The following ANXA9 variants were observed in gnomAD, a reference collection of about 807,000 sequenced individuals.
ANXA9 encodes the protein annexin A9.
A neutral mutation model predicts 51.8 loss-of-function variants in ANXA9; 47 were observed. The observed-to-expected ratio is 0.91, with a 90% CI of 0.72 to 1.16. ANXA9 has a LOEUF of 1.16. Ranked by LOEUF, ANXA9 falls within the 50% of genes most tolerant of loss-of-function variation. ANXA9 has a pLI of 0.00. For synonymous variants in ANXA9, 154 were observed against 168.7 expected (o/e 0.91, Z 0.68); for missense variants, 361 against 424.7 (o/e 0.85, Z 1.32).
Position 150,995,529 on chromosome 1 carries a change from C to T in ANXA9, c.*207C>T. On this transcript the variant is annotated 3_prime_UTR_variant, in exon 14 of 14. Coordinates refer to ENST00000368947, the MANE Select transcript of ANXA9 (RefSeq NM_003568.3). The stretch of plus-strand genomic sequence containing the variant: ...TATCTGTACCTGGGTCATCCAGCTC[C>T]TTCTTGGGTGTGGGGAAATGAGTTT... 1 of 488,294 alleles carries T rather than the reference C, an allele frequency of 2.0e-6. No homozygotes were observed. Among genetic ancestry groups the T allele is most frequent in the South Asian group, 3.3e-5 (1 of 30,028 alleles). 30.2% of individuals were successfully genotyped at this position (488,294 alleles called of 1,614,324 possible).
intron 7 of ANXA9, among the ~76,000 whole-genome samples, chr1:150,985,864 C>A (rs1045422498): frequency 6.6e-6 from 1 of 152,164 alleles, no homozygotes; most frequent in South Asian, 2.1e-4. Context: ...ACCGCCCTGG[C>A]CGTGGCCTAT....
intron 10 of ANXA9, 52 bp from the exon 11 acceptor site, chr1:150,988,039 A>G: frequency 6.2e-7 from 1 of 1,613,710 alleles, no homozygotes; most frequent in Non-Finnish European, 8.5e-7. Context: ...CATCCTTTCC[A>G]GAGATAATTA....
At chr1:150,979,441 G>C (rs1478535007), upstream of ANXA9, among the ~76,000 whole-genome samples, 2 of 152,162 alleles carry the variant, frequency 1.3e-5, no homozygotes, top group African/African-American at 4.8e-5. Flanking sequence ...CCTAACTGCG[G>C]TCACCCAGTC....
upstream of ANXA9, among the ~76,000 whole-genome samples, chr1:150,979,951 A>G (rs1335711964): frequency 6.6e-6 from 1 of 152,220 alleles, no homozygotes; most frequent in East Asian, 1.9e-4. Context: ...AGCACAGAAT[A>G]GTTGCCCAAG....
chr1:150,984,768 G>A, intron 7 of ANXA9, 92 bp downstream of exon 7: 1 of 1,073,952 alleles, frequency 9.3e-7, no homozygotes. Context: ...TGAGCTATCT[G>A]GCAACCTGGC....
intron 7 of ANXA9, 67 bp downstream of exon 7, chr1:150,984,743 T>C: frequency 1.4e-6 from 2 of 1,390,622 alleles, no homozygotes; most frequent in Non-Finnish European, 2.0e-6. Flanking sequence ...ACTCCTCTCC[T>C]GTACTCCCCA....
At chr1:150,980,572 CTTT>C (rs869295630), upstream of ANXA9, among the ~76,000 whole-genome samples, 8 of 89,068 alleles carry the variant, frequency 9.0e-5, no homozygotes, top group African/African-American at 3.8e-4. Flanking sequence ...ACACAGATTA[CTTT>C]TTTTTTTTTT....
chr1:150,978,545 C>G (rs1382065336), upstream of ANXA9, among the ~76,000 whole-genome samples: 3 of 152,090 alleles, frequency 2.0e-5, no homozygotes, highest in Non-Finnish European at 4.4e-5. Flanking sequence ...GAGAGGGAGC[C>G]CAAATCTGCC....
At chr1:150,993,639 T>TC (rs1671761119) in intron 12 of ANXA9, among the ~76,000 whole-genome samples, 1 of 147,366 alleles carries the variant, frequency 6.8e-6, no homozygotes, top group Non-Finnish European at 1.5e-5. Context: ...CTTTCTTTTT[T>TC]TTTTTTTTTT....
intron 7 of ANXA9, among the ~76,000 whole-genome samples, chr1:150,985,120 G>A (rs1387584312): frequency 6.6e-6 from 1 of 151,820 alleles, no homozygotes; most frequent in Non-Finnish European, 1.5e-5. Flanking sequence ...AGCTGAGATC[G>A]TGCCACTGCC....
At chr1:150,987,354 T>C (rs1267733195) in intron 9 of ANXA9, among the ~76,000 whole-genome samples, 1 of 113,536 alleles carries the variant, frequency 8.8e-6, no homozygotes, top group African/African-American at 3.4e-5. Context: ...AGACCCCATC[T>C]CTCTCGCTCT....
At chr1:150,991,034 G>T (rs61819176) in intron 12 of ANXA9, among the ~76,000 whole-genome samples, 131,076 of 150,478 alleles carry the variant, frequency 0.87, 58,060 homozygotes, top group East Asian at 1. Flanking sequence ...TCCCAGCTAC[G>T]CTGGAGGCTA....
In ANXA9 at chr1:150,988,342, G is replaced by A. The variant is rs775300431; in HGVS notation, c.852+1G>A. 2.5e-6 allele frequency: 4 copies of A among 1,614,006 alleles called. No homozygotes were observed. The Admixed American group carries it at 5.0e-5, about 20-fold the overall frequency. ...TGACAAACTTCATCAAGCCCTCCAGGTGAGAGGGGCACTCCTTTCCCTCCC... is the reference window on the plus strand; with the variant it reads ...TGACAAACTTCATCAAGCCCTCCAGATGAGAGGGGCACTCCTTTCCCTCCC... On this transcript the variant is annotated splice_donor_variant, in intron 12 of 13. Transcript: ENST00000368947. LOFTEE classifies it high-confidence loss of function.
At chr1:150,989,015 C>T (rs1432986011) in intron 12 of ANXA9, among the ~76,000 whole-genome samples, 3 of 151,388 alleles carry the variant, frequency 2.0e-5, no homozygotes, top group Non-Finnish European at 1.5e-5. Context: ...TCTTGTTGCC[C>T]AGGCTGGAGG....
chr1:150,983,518 G>A, intron 4 of ANXA9, 84 bp downstream of exon 4: 1 of 1,305,408 alleles, frequency 7.7e-7, no homozygotes, highest in Non-Finnish European at 1.1e-6. Flanking sequence ...AGGAACTAGT[G>A]ATGTTGGAGA....
intron 7 of ANXA9, among the ~76,000 whole-genome samples, chr1:150,984,886 G>A (rs61819175): frequency 5.1e-4 from 77 of 151,992 alleles, no homozygotes; most frequent in Non-Finnish European, 9.1e-4. Flanking sequence ...AGCAGGCCAG[G>A]TACGGTGACT....
rs144703089 is a variant in ANXA9 at position 150,982,762 on chromosome 1, G to GA, written c.-17+181dup. 8.6e-3 allele frequency among the ~76,000 whole-genome samples: 1,307 copies of GA among 152,324 alleles called. 7 individuals carry two copies. Among genetic ancestry groups the GA allele is most frequent in the Non-Finnish European group, 0.012 (834 of 68,022 alleles). ...CCAGGAAGGAGGGCCATAGACCTCA[G>GA]AAGGGAGGCATCTACCGCGGACCAA... On this transcript the variant is annotated intron_variant, in intron 2 of 13. Transcript: ENST00000368947.
intron 7 of ANXA9, among the ~76,000 whole-genome samples, chr1:150,985,853 C>G (rs1671543157): frequency 6.6e-6 from 1 of 152,202 alleles, no homozygotes; most frequent in African/African-American, 2.4e-5. Context: ...AAGCATGAGC[C>G]ACCGCCCTGG....
chr1:150,987,653 G>A (rs1019727763), intron 9 of ANXA9, among the ~76,000 whole-genome samples: 2 of 151,232 alleles, frequency 1.3e-5, no homozygotes, highest in African/African-American at 2.4e-5. Flanking sequence ...ACTTGAACCT[G>A]GGAGGCAGAG....
Sources: allele counts gnomAD v4.1 joint callset (sites outside exome capture counted in the v4.1 genomes callset), GRCh38; gene constraint gnomAD v4.1.1; transcripts MANE v1.5; gene names NCBI Gene and HGNC (gene_info 2026-07-23, HGNC 2026-07-21).